The following PIGG variants were observed in gnomAD, a reference collection of about 807,000 sequenced individuals.
PIGG encodes the protein phosphatidylinositol glycan anchor biosynthesis class G (EMM blood group), also known as GPI ethanolamine phosphate transferase 2, catalytic subunit.
PIGG carries 70 observed loss-of-function variants against 83.2 expected under a neutral mutation model. The observed-to-expected ratio is 0.84, with a 90% confidence interval of 0.69 to 1.03. PIGG has a LOEUF of 1.03. Ranked by LOEUF, PIGG falls within the 50% of genes least tolerant of loss-of-function variation. The probability of loss-of-function intolerance (pLI) is 0.00; values close to 1 mark genes in which losing one functional copy is unlikely to be tolerated. For synonymous variants in PIGG, 532 were observed against 519.5 expected, an observed-to-expected ratio of 1.02 and a Z score of -0.33; for missense variants, 1,257 against 1,233.6, an observed-to-expected ratio of 1.02 and a Z score of -0.28.
intron 5 of PIGG, 52 bp downstream of exon 5, chr4:509,022 A>G (rs1216463584): frequency 1.2e-5 from 18 of 1,506,840 alleles, no homozygotes; most frequent in African/African-American, 1.4e-5. Context: ...TTTGTTTTCT[A>G]TAGTCTGGTT....
At chr4:508,390 C>G (rs1324877019) in intron 4 of PIGG, among the ~76,000 whole-genome samples, 1 of 152,256 alleles carries the variant, frequency 6.6e-6, no homozygotes, top group Admixed American at 6.5e-5. Flanking sequence ...GCTGCAACCC[C>G]AGGGGCAGAG....
In PIGG at chr4:539,327, ATTC is replaced by A. The variant is rs764807661; in HGVS notation, c.2914_2916del (p.Phe972del). Reference sequence around the variant, plus strand: ...TGCTCATTACAGCTGCTGTCTGTGTATTCTTCACGGCAATGGATCAAACCAGAC... The same window carrying A: ...TGCTCATTACAGCTGCTGTCTGTGTATTCACGGCAATGGATCAAACCAGAC... On this transcript the variant is annotated inframe_deletion, in exon 13 of 13. Transcript: ENST00000453061. 2 of 1,613,558 alleles carry A rather than the reference ATTC, an allele frequency of 1.2e-6. No homozygotes were observed. Among genetic ancestry groups the A allele is most frequent in the Admixed American group, 1.7e-5 (1 of 59,976 alleles).
At chr4:514,476 A>C (rs1350776676) in intron 5 of PIGG, among the ~76,000 whole-genome samples, 1 of 152,120 alleles carries the variant, frequency 6.6e-6, no homozygotes, top group Non-Finnish European at 1.5e-5. Flanking sequence ...ACTACAGTTT[A>C]CTCGTGCACA....
chr4:514,298 C>T (rs1723154200), intron 5 of PIGG, among the ~76,000 whole-genome samples: 1 of 152,162 alleles, frequency 6.6e-6, no homozygotes. Context: ...GTGTTAATTC[C>T]TTAATATCAC....
At chr4:533,554 G>T in intron 11 of PIGG, 1 of 506,122 alleles carries the variant, frequency 2.0e-6, no homozygotes, top group Non-Finnish European at 3.6e-6. Flanking sequence ...TTCAGAGGGG[G>T]CCCCAGCTTC....
In PIGG at chr4:539,197, G is replaced by A. The variant is rs774627627; in HGVS notation, c.2780G>A (p.Cys927Tyr). ...GCTTGCTTCTGCTACGCACTGATTT[G>A]TTCTATTCCAGTTTTCACGTACATC... Reference protein sequence around the residue: ...SHACFCYALICSIPVFTYIVL... With the variant: ...SHACFCYALIYSIPVFTYIVL... Residue 927 changes from cysteine (C) to tyrosine (Y), a missense_variant, in exon 13 of 13, where the codon TGT (cysteine) becomes TAT (tyrosine). Physicochemically the swap from Cys to Tyr is radical, Grantham distance 194 (BLOSUM62 -2). Transcript: ENST00000453061. 1.2e-6 allele frequency: 2 copies of A among 1,613,592 alleles called. No individual in the cohort carries two copies. Among genetic ancestry groups the A allele is most frequent in the East Asian group, 2.2e-5 (1 of 44,886 alleles).
intron 2 of PIGG, chr4:501,246 G>A (rs888556570): frequency 4.7e-5 from 20 of 421,822 alleles, no homozygotes; most frequent in Non-Finnish European, 9.4e-5. Flanking sequence ...TGCAATTGGG[G>A]AAAAAATAGT....
At chr4:507,329 C>T in intron 3 of PIGG, 76 bp from the exon 4 acceptor site, 1 of 1,143,566 alleles carries the variant, frequency 8.7e-7, no homozygotes, top group Admixed American at 2.1e-5. Context: ...TTTAAGATGA[C>T]TGTTGCGTTT....
At position 521,653 on chromosome 4, in the gene PIGG, G is replaced by A; in HGVS notation, c.1333-7G>A. Reference sequence around the variant, plus strand: ...AGTCTGTGGATGCTGCTGTTTCTCTGTTCCAGGTTCTCACCCTGCTCCTGC... The same window carrying A: ...AGTCTGTGGATGCTGCTGTTTCTCTATTCCAGGTTCTCACCCTGCTCCTGC... On this transcript the variant is annotated splice_polypyrimidine_tract_variant and splice_region_variant and intron_variant, in intron 7 of 12. Coordinates refer to ENST00000453061, the MANE Select transcript of PIGG (RefSeq NM_001127178.3). 6.2e-7 allele frequency: 1 copy of A among 1,612,698 alleles called. No homozygotes were observed. Among genetic ancestry groups the A allele is most frequent in the East Asian group, 2.2e-5 (1 of 44,858 alleles).
intron 6 of PIGG, among the ~76,000 whole-genome samples, chr4:519,968 A>T (rs1725259729): frequency 6.8e-6 from 1 of 147,616 alleles, no homozygotes; most frequent in Non-Finnish European, 1.5e-5. Flanking sequence ...TGCCTGCAGC[A>T]GTCGGGTGTG....
rs1728178934 is a variant in PIGG at position 528,155 on chromosome 4, G to C, written c.2261+925G>C. ...CTGCAGAGGGGTCTTCTGGCTGTTA[G>C]GCAGCCTATTTTCACAGAACAGAGA... On this transcript the variant is annotated intron_variant, in intron 10 of 12. Coordinates refer to ENST00000453061, the MANE Select transcript of PIGG (RefSeq NM_001127178.3). This position sits in a 1 kb window ranked among gnomAD's most constrained non-coding sequence, Gnocchi z 4.8. 1.0e-6 allele frequency: 1 copy of C among 985,160 alleles called. No homozygotes were observed. The highest frequency in any genetic ancestry group is 6.2e-5 in the Admixed American group (1 of 16,260). 61.0% of individuals were successfully genotyped at this position (985,160 alleles called of 1,614,324 possible).
intron 10 of PIGG, 111 bp from the exon 11 acceptor site, chr4:530,325 T>G (rs774641475): frequency 6.6e-6 from 5 of 761,110 alleles, no homozygotes; most frequent in Admixed American, 2.4e-5. Context: ...TAGTCAGCAG[T>G]GCTGGACATT....
Position 539,544 on chromosome 4 carries a change from T to G in PIGG, c.*175T>G. ...ACTTTAATATACAGTTTGTATCATA[T>G]TTTCCCCCATTGACAATCACTCTAG... On this transcript the variant is annotated 3_prime_UTR_variant, in exon 13 of 13. Coordinates refer to ENST00000453061, the MANE Select transcript of PIGG (RefSeq NM_001127178.3). The G allele has an allele frequency of 1.7e-6, 1 of 587,810 alleles. No individual in the cohort carries two copies. The highest frequency in any genetic ancestry group is 3.0e-6 in the Non-Finnish European group (1 of 332,308). 36.4% of individuals were successfully genotyped at this position (587,810 alleles called of 1,614,324 possible). A position where few individuals can be genotyped will look rare whatever the true frequency, so the allele number is the denominator to read the frequency against.
chr4:512,924 G>A (rs529352840), intron 5 of PIGG, among the ~76,000 whole-genome samples: 14 of 152,190 alleles, frequency 9.2e-5, no homozygotes, highest in South Asian at 6.2e-4. Context: ...ATCCTCTATC[G>A]GGAGCTGGGG....
At chr4:518,925 C>T (rs767333839) in intron 6 of PIGG, among the ~76,000 whole-genome samples, 6 of 152,202 alleles carry the variant, frequency 3.9e-5, no homozygotes, top group Non-Finnish European at 7.3e-5. Flanking sequence ...TTTGTGCCCA[C>T]CCGGCTCTCT....
intron 3 of PIGG, chr4:506,830 C>T: frequency 2.2e-6 from 1 of 456,044 alleles, no homozygotes; most frequent in Non-Finnish European, 4.4e-6. Flanking sequence ...TGTAGATGCC[C>T]TCAGCTTCAT....
chr4:538,367 AT>A (rs1486229111), intron 12 of PIGG, among the ~76,000 whole-genome samples: 2 of 152,164 alleles, frequency 1.3e-5, no homozygotes, highest in African/African-American at 4.8e-5. Context: ...TATTCCGAGA[AT>A]TTGCTCAGCA....
rs779739089 is a variant in PIGG at position 516,115 on chromosome 4, G to A, written c.1044G>A (p.Leu348=). ...VVEGRPMREQ[L]RFLHLNTVQL... ...AAGGAAGACCAATGAGAGAGCAGTT[G>A]AGATTTTTACATTTGAATACAGTGC... Residue 348 remains leucine (L), a synonymous_variant, in exon 6 of 13, where the codon TTG becomes TTA. Coordinates refer to ENST00000453061, the MANE Select transcript of PIGG (RefSeq NM_001127178.3). 1 of 1,613,842 alleles carries A rather than the reference G, an allele frequency of 6.2e-7. No homozygotes were observed. Among genetic ancestry groups the A allele is most frequent in the Admixed American group, 1.7e-5 (1 of 60,008 alleles).
At chr4:527,691 T>C (rs4624610) in intron 10 of PIGG, 87,087 of 985,068 alleles carry the variant, frequency 0.088, 4,047 homozygotes, top group East Asian at 0.17. Flanking sequence ...AGACCGTCCT[T>C]GTAATTTATA....
Sources: allele counts gnomAD v4.1 joint callset (sites outside exome capture counted in the v4.1 genomes callset), GRCh38; gene constraint gnomAD v4.1.1; non-coding constraint Gnocchi (gnomAD v3.1); transcripts MANE v1.5; gene names NCBI Gene and HGNC (gene_info 2026-07-23, HGNC 2026-07-21).